Variants in TACC2 observed in about 807,000 individuals in gnomAD.
TACC2 encodes the protein transforming acidic coiled-coil containing protein 2.
In TACC2, 137 loss-of-function variants were observed where a neutral mutation model predicts 227.3. The observed-to-expected ratio is 0.60, with a 90% CI of 0.52 to 0.69. The LOEUF (loss-of-function observed/expected upper bound fraction) is 0.69. Among genes scored for constraint, TACC2 ranks in the 30% least tolerant of loss-of-function variants. The probability of loss-of-function intolerance (pLI) is 0.00; values close to 1 mark genes in which losing one functional copy is unlikely to be tolerated. For missense variants in TACC2, 3,470 were observed against 3,694.4 expected, an observed-to-expected ratio of 0.94 and a Z score of 1.57; for synonymous variants, 1,523 against 1,487.5, an observed-to-expected ratio of 1.02 and a Z score of -0.55.
At chr10:122,246,565 A>C (rs1309838739) in intron 19 of TACC2, 1 of 152,162 alleles carries the variant, frequency 6.6e-6, no homozygotes, top group Admixed American at 6.5e-5. Context: ...CCATTTTCTC[A>C]GTGAACAGTG....
intron 1 of TACC2, among the ~76,000 whole-genome samples, chr10:122,013,845 G>A (rs2901299): frequency 0.46 from 69,288 of 151,972 alleles, 15,952 homozygotes; most frequent in South Asian, 0.62. Flanking sequence ...CCTTGGAACT[G>A]GAAGACTGTG....
intron 2 of TACC2, among the ~76,000 whole-genome samples, chr10:122,026,836 T>C (rs1268056277): frequency 6.6e-6 from 1 of 152,224 alleles, no homozygotes; most frequent in African/African-American, 2.4e-5. Context: ...TAATTTTCCA[T>C]TGCCTGAATG....
At position 122,050,592 on chromosome 10, in the gene TACC2, G is replaced by A. The variant is rs1403061232; in HGVS notation, c.146+42G>A. ...GGAGGACTGATGCAGCCCAAGGACT[G>A]CCCCGCTCATTGCCTGCTCCAGCAT... On this transcript the variant is annotated intron_variant, in intron 3 of 22. Coordinates refer to ENST00000369005, the MANE Select transcript of TACC2 (RefSeq NM_206862.4). The surrounding 1 kb of genome is among the most constrained non-coding windows in gnomAD (Gnocchi z 4.6). 2.7e-6 allele frequency: 4 copies of A among 1,502,384 alleles called. No homozygotes were observed. In the South Asian group the frequency reaches 3.4e-5, roughly 13 times the overall value. The allele number at this position is 1,502,384 out of a possible 1,614,324, so 93.1% of individuals were successfully genotyped here. A position where few individuals can be genotyped will look rare whatever the true frequency, so the allele number is the denominator to read the frequency against.
chr10:122,025,188 T>C (rs1205050851), intron 2 of TACC2, among the ~76,000 whole-genome samples: 4 of 152,256 alleles, frequency 2.6e-5, no homozygotes, highest in African/African-American at 9.6e-5. Context: ...TGTGCTTATC[T>C]GCCATCTACA....
In TACC2 at chr10:122,237,659, G is replaced by T. The variant is rs543825152; in HGVS notation, c.8271+121G>T. The T allele has an allele frequency of 4.0e-6, 5 of 1,255,684 alleles. No homozygotes were observed. In the Admixed American group the frequency reaches 7.7e-5, roughly 19 times the overall value. 77.8% of individuals were successfully genotyped at this position (1,255,684 alleles called of 1,614,324 possible). A position where few individuals can be genotyped will look rare whatever the true frequency, so the allele number is the denominator to read the frequency against. ...TCCTCTGAACGCTGCAGGCAAAGATGTGTGGCACACCATGCGTTTTGATCT... is the reference window on the plus strand; with the variant it reads ...TCCTCTGAACGCTGCAGGCAAAGATTTGTGGCACACCATGCGTTTTGATCT... On this transcript the variant is annotated intron_variant, in intron 17 of 22. Transcript: ENST00000369005.
At position 122,248,821 on chromosome 10, in the gene TACC2, G is replaced by A. The variant is rs936200498; in HGVS notation, c.8553+18G>A. The A allele has an allele frequency of 5.6e-6, 9 of 1,613,870 alleles. No homozygotes were observed. Among genetic ancestry groups the A allele is most frequent in the Admixed American group, 1.7e-5 (1 of 60,020 alleles). On this transcript the variant is annotated intron_variant, in intron 20 of 22. Coordinates refer to ENST00000369005, the MANE Select transcript of TACC2 (RefSeq NM_206862.4). ...TCCGCAAGGTAGGGCTGAGTTTGGG[G>A]GCCACGGAGGAGGAGGATCTGATTG...
chr10:122,211,750 T>A, intron 9 of TACC2, 42 bp downstream of exon 9: 2 of 1,497,290 alleles, frequency 1.3e-6, no homozygotes, highest in Non-Finnish European at 1.8e-6. Flanking sequence ...GAGGCGGGGG[T>A]GCGCATTGGC....
chr10:122,191,730 C>T (rs747388387), intron 7 of TACC2, among the ~76,000 whole-genome samples: 22 of 152,128 alleles, frequency 1.4e-4, no homozygotes, highest in African/African-American at 5.1e-4. Context: ...AATATATTTG[C>T]CTATAATTTA....
chr10:122,200,240 G>T (rs909435043), intron 8 of TACC2, among the ~76,000 whole-genome samples: 3 of 152,346 alleles, frequency 2.0e-5, no homozygotes, highest in South Asian at 2.1e-4. Flanking sequence ...TGGCCATCGA[G>T]CCAGGGGTAT....
At chr10:122,074,447 C>T (rs1565216336) in intron 3 of TACC2, among the ~76,000 whole-genome samples, 1 of 152,022 alleles carries the variant, frequency 6.6e-6, no homozygotes, top group Non-Finnish European at 1.5e-5. Flanking sequence ...TTTTAAAAGC[C>T]CTTCATAGAG....
rs1957468005 is a variant in TACC2 at position 122,022,648 on chromosome 10, A to G, written c.33+634A>G. The stretch of plus-strand genomic sequence containing the variant: ...CTAGGTTGTGTCCACCCATCAACTT[A>G]CATGGATTTAGCAGAGGTTAAAATA... On this transcript the variant is annotated intron_variant, in intron 2 of 22. Coordinates refer to ENST00000369005, the MANE Select transcript of TACC2 (RefSeq NM_206862.4). The G allele has an allele frequency of 3.3e-5, 5 of 152,392 alleles. 1 individual carries two copies. The highest frequency in any genetic ancestry group is 3.3e-4 in the Admixed American group (5 of 15,304). 9.4% of individuals were successfully genotyped at this position (152,392 alleles called of 1,614,324 possible).
At chr10:122,120,461 G>A (rs545110298) in intron 5 of TACC2, among the ~76,000 whole-genome samples, 16 of 152,232 alleles carry the variant, frequency 1.1e-4, no homozygotes, top group Admixed American at 2.6e-4. Flanking sequence ...GAGCCACCGC[G>A]GGTGCCCTGG....
intron 5 of TACC2, among the ~76,000 whole-genome samples, chr10:122,108,392 C>CTT (rs1209510716): frequency 1.4e-5 from 2 of 147,634 alleles, no homozygotes; most frequent in African/African-American, 5.0e-5. Context: ...CTCTCTTTCT[C>CTT]TCTCTCTCTA....
chr10:122,242,063 C>T, intron 19 of TACC2, 62 bp downstream of exon 19: 1 of 1,494,820 alleles, frequency 6.7e-7, no homozygotes, highest in South Asian at 1.1e-5. Context: ...ATGAGGAGGC[C>T]TTGGAAGATA....
intron 6 of TACC2, among the ~76,000 whole-genome samples, chr10:122,135,332 C>A (rs2089388223): frequency 6.6e-6 from 1 of 152,158 alleles, no homozygotes. Flanking sequence ...TTACCTACAA[C>A]CCTGACCAAG....
intron 11 of TACC2, 88 bp downstream of exon 11, chr10:122,216,916 A>G: frequency 6.2e-7 from 1 of 1,607,980 alleles, no homozygotes; most frequent in Non-Finnish European, 8.5e-7. Context: ...GAAACTTCTC[A>G]GCCAGGTAAC....
chr10:121,990,096 A>C (rs1952967014), intron 1 of TACC2, among the ~76,000 whole-genome samples: 1 of 151,440 alleles, frequency 6.6e-6, no homozygotes, highest in Non-Finnish European at 1.5e-5. Context: ...ATTTTATTAA[A>C]TTTACCTTCA....
In TACC2 at chr10:122,020,862, A is replaced by G. The variant is rs540654867; in HGVS notation, c.-45-1075A>G. ...AGGCCTGAATATGTTACAGCGTCTT[A>G]TGGAATTCAGTTGGATGAGGTCAAT... On this transcript the variant is annotated intron_variant, in intron 1 of 22. Coordinates refer to ENST00000369005, the MANE Select transcript of TACC2 (RefSeq NM_206862.4). Among the ~76,000 whole-genome samples the G allele has an allele frequency of 5.9e-5, 9 of 152,310 alleles. No individual in the cohort carries two copies. In the South Asian group the frequency reaches 1.9e-3, roughly 32 times the overall value.
intron 7 of TACC2, among the ~76,000 whole-genome samples, chr10:122,176,141 A>ATATC (rs1555104494): frequency 3.5e-5 from 5 of 144,202 alleles, no homozygotes; most frequent in East Asian, 4.2e-4. Flanking sequence ...ATATATATAT[A>ATATC]TATATGAAGA....
Sources: allele counts gnomAD v4.1 joint callset (sites outside exome capture counted in the v4.1 genomes callset), GRCh38; gene constraint gnomAD v4.1.1; non-coding constraint Gnocchi (gnomAD v3.1); transcripts MANE v1.5; gene names NCBI Gene and HGNC (gene_info 2026-07-23, HGNC 2026-07-21).